The following KLF12 variants were observed in gnomAD, a reference collection of about 807,000 sequenced individuals.
KLF12 encodes the protein KLF transcription factor 12.
A neutral mutation model predicts 37.8 loss-of-function variants in KLF12; 9 were observed. That is an observed-to-expected ratio of 0.24 (90% CI 0.14 to 0.42). KLF12 has a LOEUF of 0.42. KLF12 is among the 10% of genes least tolerant of loss of function. KLF12 has a pLI of 1.00. For missense variants in KLF12, 411 were observed against 516.0 expected, an observed-to-expected ratio of 0.80 and a Z score of 1.97; for synonymous variants, 208 against 202.1, an observed-to-expected ratio of 1.03 and a Z score of -0.25.
chr13:73,820,202 C>A (rs1374843700), intron 4 of KLF12, among the ~76,000 whole-genome samples: 2 of 152,198 alleles, frequency 1.3e-5, no homozygotes, highest in Non-Finnish European at 2.9e-5. Context: ...CAGGAATCAT[C>A]TATGACATTA....
intron 5 of KLF12, among the ~76,000 whole-genome samples, chr13:73,810,517 C>G (rs1278515626): frequency 2.0e-5 from 3 of 151,960 alleles, no homozygotes; most frequent in African/African-American, 4.8e-5. Context: ...ATCCACCCAC[C>G]TCAGCCTCCC....
At chr13:73,703,228 A>G (rs1276308088) in intron 7 of KLF12, among the ~76,000 whole-genome samples, 1 of 152,200 alleles carries the variant, frequency 6.6e-6, no homozygotes, top group Admixed American at 6.6e-5. Context: ...TCAATAAAGG[A>G]TATTTTATAT....
At chr13:73,745,614 G>A (rs371924848) in intron 6 of KLF12, among the ~76,000 whole-genome samples, 2 of 152,080 alleles carry the variant, frequency 1.3e-5, no homozygotes, top group Non-Finnish European at 2.9e-5. Flanking sequence ...AAAATACTAA[G>A]TGTAAAAAGA....
chr13:74,078,415 T>C (rs528522525), intron 1 of KLF12, among the ~76,000 whole-genome samples: 7 of 152,340 alleles, frequency 4.6e-5, no homozygotes, highest in African/African-American at 1.4e-4. Context: ...AGAAGACACG[T>C]GCTTGTGGAA....
chr13:74,127,807 GCAA>G (rs1483755202), intron 1 of KLF12, among the ~76,000 whole-genome samples: 1 of 152,144 alleles, frequency 6.6e-6, no homozygotes, highest in African/African-American at 2.4e-5. Context: ...ATAGCATGTT[GCAA>G]CAATGTTTGA....
chr13:73,896,988 G>A (rs1031036911), intron 3 of KLF12, among the ~76,000 whole-genome samples: 1 of 152,110 alleles, frequency 6.6e-6, no homozygotes, highest in Non-Finnish European at 1.5e-5. Flanking sequence ...CTGGTTTCAA[G>A]AGGCAACAGG....
chr13:73,825,572 C>T (rs984532035), intron 4 of KLF12, among the ~76,000 whole-genome samples: 3 of 152,178 alleles, frequency 2.0e-5, no homozygotes, highest in Non-Finnish European at 4.4e-5. Context: ...AAGATAAGAG[C>T]TATGACAGAG....
At chr13:74,244,148 A>T in the KLF12 span, among the ~76,000 whole-genome samples, 1 of 152,314 alleles carries the variant, frequency 6.6e-6, no homozygotes, top group Admixed American at 6.5e-5. Context: ...TTGACTCTTC[A>T]GTAATTGTTA....
chr13:74,257,801 G>A, the KLF12 span: 207 of 152,256 alleles, frequency 1.4e-3, no homozygotes, highest in African/African-American at 4.6e-3. Context: ...GGTTGTCTTT[G>A]TTGCTTTTTT....
At chr13:74,147,263 C>A in the KLF12 span, among the ~76,000 whole-genome samples, 1 of 151,900 alleles carries the variant, frequency 6.6e-6, no homozygotes, top group Non-Finnish European at 1.5e-5. Flanking sequence ...AACAAGTGCA[C>A]CCCTTCCTGG....
chr13:73,961,704 C>T (rs2139464300), intron 2 of KLF12, among the ~76,000 whole-genome samples: 1 of 152,210 alleles, frequency 6.6e-6, no homozygotes, highest in East Asian at 1.9e-4. Flanking sequence ...GCAACAGACA[C>T]CTTACCAAAC....
chr13:73,869,649 GTATA>G (rs1886368533), intron 3 of KLF12, among the ~76,000 whole-genome samples: 1 of 151,542 alleles, frequency 6.6e-6, no homozygotes, highest in African/African-American at 2.4e-5. Context: ...TATATGCTGA[GTATA>G]TATAATATAC....
At chr13:73,898,544 C>T (rs1380059966) in intron 3 of KLF12, among the ~76,000 whole-genome samples, 2 of 152,074 alleles carry the variant, frequency 1.3e-5, no homozygotes, top group African/African-American at 4.8e-5. Flanking sequence ...CCAAGCCTGG[C>T]CCACTTATTA....
chr13:73,724,990 T>C (rs1401697617), intron 6 of KLF12, among the ~76,000 whole-genome samples: 1 of 152,234 alleles, frequency 6.6e-6, no homozygotes, highest in Non-Finnish European at 1.5e-5. Context: ...TTTTTTTGCT[T>C]TGGCTGCTAG....
chr13:73,834,790 G>A (rs925283564), intron 4 of KLF12, among the ~76,000 whole-genome samples: 7 of 152,212 alleles, frequency 4.6e-5, no homozygotes, highest in African/African-American at 1.7e-4. Context: ...GAAATTACAG[G>A]CGTGAGCCAC....
chr13:73,700,264 C>T (rs1418776983), intron 7 of KLF12, among the ~76,000 whole-genome samples: 2 of 150,094 alleles, frequency 1.3e-5, no homozygotes, highest in Admixed American at 1.3e-4. Flanking sequence ...AAGACTCTGT[C>T]TCAAAAAATA....
intron 1 of KLF12, among the ~76,000 whole-genome samples, chr13:74,051,341 A>AACACAC (rs10678885): frequency 0.15 from 22,006 of 143,580 alleles, 1,742 homozygotes; most frequent in Middle Eastern, 0.2. Flanking sequence ...TACACACACA[A>AACACAC]ACACACACAC....
chr13:74,288,587 A>C, the KLF12 span, among the ~76,000 whole-genome samples: 4 of 152,164 alleles, frequency 2.6e-5, no homozygotes, highest in African/African-American at 7.2e-5. Flanking sequence ...GTAGGGCAGG[A>C]AACAGTCTGA....
the KLF12 span, among the ~76,000 whole-genome samples, chr13:74,238,919 G>GT: frequency 4.7e-5 from 7 of 150,200 alleles, no homozygotes; most frequent in Non-Finnish European, 8.9e-5. Flanking sequence ...TTTTTGAAGG[G>GT]TTTTTTGTGT....
Sources: allele counts gnomAD v4.1 joint callset (sites outside exome capture counted in the v4.1 genomes callset), GRCh38; gene constraint gnomAD v4.1.1; transcripts MANE v1.5; gene names NCBI Gene and HGNC (gene_info 2026-07-23, HGNC 2026-07-21).